The following DNM3 variants were observed in gnomAD, a reference collection of about 807,000 sequenced individuals.
DNM3 encodes the protein dynamin-3.
In DNM3, 47 loss-of-function variants were observed where a neutral mutation model predicts 101.6. The observed-to-expected ratio is 0.46, with a 90% CI of 0.37 to 0.59. The LOEUF is 0.59. Ranked by LOEUF, DNM3 falls within the 20% of genes least tolerant of loss-of-function variation. The probability of loss-of-function intolerance (pLI) is 0.00; values close to 1 mark genes in which losing one functional copy is unlikely to be tolerated. For synonymous variants in DNM3, 385 were observed against 387.9 expected, an observed-to-expected ratio of 0.99 and a Z score of 0.09; for missense variants, 849 against 1,085.7, an observed-to-expected ratio of 0.78 and a Z score of 3.06.
At chr1:172,268,293 T>A (rs981057317) in intron 15 of DNM3, among the ~76,000 whole-genome samples, 2 of 148,214 alleles carry the variant, frequency 1.3e-5, no homozygotes, top group Non-Finnish European at 1.5e-5. Context: ...AAAAAAAAAA[T>A]TGTATATTTT....
chr1:172,398,681 C>G (rs920012115), intron 20 of DNM3, among the ~76,000 whole-genome samples: 12 of 152,180 alleles, frequency 7.9e-5, no homozygotes, highest in African/African-American at 2.9e-4. Context: ...ATGGTCAGTA[C>G]AGCAGTGTTT....
At chr1:172,076,006 G>T (rs776197086) in intron 11 of DNM3, among the ~76,000 whole-genome samples, 7 of 152,140 alleles carry the variant, frequency 4.6e-5, no homozygotes, top group Non-Finnish European at 1.0e-4. Context: ...GTGGTTTGTA[G>T]TTCTCTTTGA....
chr1:172,402,162 G>A (rs1161421771), intron 20 of DNM3, among the ~76,000 whole-genome samples: 7 of 152,044 alleles, frequency 4.6e-5, no homozygotes, highest in Non-Finnish European at 7.4e-5. Context: ...ATGCATGCAC[G>A]CCTCAAACTT....
intron 2 of DNM3, among the ~76,000 whole-genome samples, chr1:171,938,721 A>G (rs1249162477): frequency 1.3e-5 from 2 of 152,212 alleles, no homozygotes; most frequent in Non-Finnish European, 2.9e-5. Flanking sequence ...TACATCATAC[A>G]TATATTAAGG....
At chr1:172,344,008 T>G (rs1052337694) in intron 17 of DNM3, among the ~76,000 whole-genome samples, 1 of 152,184 alleles carries the variant, frequency 6.6e-6, no homozygotes, top group African/African-American at 2.4e-5. Context: ...GAACGCAGTC[T>G]TCTCATCTTC....
chr1:172,260,741 T>C (rs6424836), intron 15 of DNM3, among the ~76,000 whole-genome samples: 150,599 of 152,220 alleles, frequency 0.99, 74,505 homozygotes, highest in Middle Eastern at 1. Context: ...TTCTTTGTAT[T>C]GTTTTTCAGA....
At chr1:171,929,857 G>C (rs966488799) in intron 2 of DNM3, among the ~76,000 whole-genome samples, 2 of 152,234 alleles carry the variant, frequency 1.3e-5, no homozygotes, top group African/African-American at 4.8e-5. Flanking sequence ...TCGTAGAGCA[G>C]CTGTGATGTG....
chr1:172,393,327 T>A (rs1436704084), intron 20 of DNM3: 2 of 152,254 alleles, frequency 1.3e-5, no homozygotes, highest in African/African-American at 4.8e-5. Context: ...ACAATTAATA[T>A]AAAGTCCCTT....
At chr1:172,090,000 C>T (rs1412786091) in intron 12 of DNM3, among the ~76,000 whole-genome samples, 5 of 152,160 alleles carry the variant, frequency 3.3e-5, no homozygotes, top group African/African-American at 1.2e-4. Flanking sequence ...AACTTTTCAC[C>T]TAAGGTAGCA....
chr1:172,219,982 T>C (rs973286247), intron 14 of DNM3, among the ~76,000 whole-genome samples: 1 of 152,188 alleles, frequency 6.6e-6, no homozygotes, highest in African/African-American at 2.4e-5. Flanking sequence ...TTTTTCTAGA[T>C]TGCAAGTAAG....
intron 2 of DNM3, among the ~76,000 whole-genome samples, chr1:171,969,655 A>G (rs898502828): frequency 1.3e-5 from 2 of 152,188 alleles, no homozygotes; most frequent in Non-Finnish European, 2.9e-5. Context: ...GGTCTCTCCC[A>G]ATGTGCTTCA....
chr1:172,371,298 G>T (rs528300282), intron 17 of DNM3, among the ~76,000 whole-genome samples: 3 of 152,064 alleles, frequency 2.0e-5, no homozygotes, highest in South Asian at 2.1e-4. Flanking sequence ...GACACATTTG[G>T]TATAATAAAC....
intron 14 of DNM3, chr1:172,140,294 G>T (rs918529004): frequency 1.3e-5 from 2 of 151,590 alleles, no homozygotes; most frequent in African/African-American, 4.8e-5. Flanking sequence ...ATTCTGTTTC[G>T]GCCATCACTT....
intron 15 of DNM3, among the ~76,000 whole-genome samples, chr1:172,288,894 T>C (rs1229140528): frequency 6.6e-6 from 1 of 152,190 alleles, no homozygotes; most frequent in Non-Finnish European, 1.5e-5. Context: ...GCAAGTAGTC[T>C]CTTAGTATTT....
At chr1:172,027,325 C>A (rs2048276802) in intron 4 of DNM3, among the ~76,000 whole-genome samples, 1 of 152,116 alleles carries the variant, frequency 6.6e-6, no homozygotes, top group Non-Finnish European at 1.5e-5. Context: ...TAGCTCACAC[C>A]TGTAATCCCA....
intron 14 of DNM3, among the ~76,000 whole-genome samples, chr1:172,146,834 C>T (rs898262662): frequency 2.6e-5 from 4 of 152,052 alleles, no homozygotes; most frequent in African/African-American, 9.7e-5. Context: ...TTTGTCAAGG[C>T]AAACAAAAGG....
intron 13 of DNM3, among the ~76,000 whole-genome samples, chr1:172,130,947 T>A (rs2056904212): frequency 6.6e-6 from 1 of 152,182 alleles, no homozygotes; most frequent in African/African-American, 2.4e-5. Flanking sequence ...CAACCATCGA[T>A]GAGTCTGAGA....
intron 14 of DNM3, 53 bp from the exon 15 acceptor site, chr1:172,253,518 TCC>T: frequency 8.8e-7 from 1 of 1,138,336 alleles, no homozygotes; most frequent in Admixed American, 2.3e-5. Context: ...TCCTCTCCTC[TCC>T]TCTCCTCTCC....
intron 1 of DNM3, among the ~76,000 whole-genome samples, chr1:171,858,857 G>A (rs2033883686): frequency 6.6e-6 from 1 of 152,136 alleles, no homozygotes; most frequent in Non-Finnish European, 1.5e-5. Flanking sequence ...AAATATGTCT[G>A]AAACTGATCA....
Sources: gnomAD v4.1 joint callset for allele counts (sites outside exome capture counted in the v4.1 genomes callset) on GRCh38, gnomAD v4.1.1 for gene constraint, MANE v1.5 for transcripts, NCBI Gene and HGNC (gene_info 2026-07-23, HGNC 2026-07-21) for gene names.